NR5A2: variants seen among roughly 807,000 people sequenced by gnomAD.
NR5A2 encodes nuclear receptor subfamily 5 group A member 2.
NR5A2 carries 26 observed loss-of-function variants against 62.7 expected under a neutral mutation model. The ratio of observed to expected loss-of-function variants is 0.41; its 90% CI spans 0.30 to 0.58. The LOEUF is 0.58. Among genes scored for constraint, NR5A2 ranks in the 20% least tolerant of loss-of-function variants. NR5A2 has a pLI of 0.22. For missense variants in NR5A2, 541 were observed against 669.1 expected, an observed-to-expected ratio of 0.81 and a Z score of 2.11; for synonymous variants, 246 against 241.7, an observed-to-expected ratio of 1.02 and a Z score of -0.16.
Position 200,174,926 on chromosome 1 carries a change from A to G in NR5A2, c.*716A>G, listed in dbSNP as rs1459710833. The G allele has an allele frequency of 6.6e-6, 1 of 152,666 alleles. No homozygotes were observed. The highest frequency in any genetic ancestry group is 2.4e-5 in the African/African-American group (1 of 41,454). The allele number at this position is 152,666 out of a possible 1,614,324, so 9.5% of individuals were successfully genotyped here. On this transcript the variant is annotated 3_prime_UTR_variant, in exon 8 of 8. Coordinates refer to ENST00000367362, the MANE Select transcript of NR5A2 (RefSeq NM_205860.3). ...TTGTCTCGTGTTCATGATGTTAAGA[A>G]AATGCAGGCAGTATCCCTCATCTTA...
intron 6 of NR5A2, among the ~76,000 whole-genome samples, chr1:200,117,682 TC>T (rs1455647305): frequency 6.6e-6 from 1 of 152,156 alleles, no homozygotes; most frequent in East Asian, 1.9e-4. Flanking sequence ...AGTATGGTCT[TC>T]CTGATTCAGG....
At chr1:200,077,465 G>A (rs1664093221) in intron 5 of NR5A2, among the ~76,000 whole-genome samples, 1 of 152,210 alleles carries the variant, frequency 6.6e-6, no homozygotes, top group South Asian at 2.1e-4. Flanking sequence ...TGTAATCCCA[G>A]CACATTGGGA....
At chr1:200,170,492 G>A (rs900645009) in intron 7 of NR5A2, among the ~76,000 whole-genome samples, 1 of 152,174 alleles carries the variant, frequency 6.6e-6, no homozygotes, top group African/African-American at 2.4e-5. Flanking sequence ...ACATAAATGA[G>A]TGAAAATTCC....
intron 5 of NR5A2, among the ~76,000 whole-genome samples, chr1:200,093,675 C>T (rs1664924204): frequency 6.6e-6 from 1 of 152,188 alleles, no homozygotes; most frequent in South Asian, 2.1e-4. Flanking sequence ...CCAATCTAAG[C>T]ACAATGCTGT....
At chr1:200,135,939 A>G (rs1667203095) in intron 7 of NR5A2, among the ~76,000 whole-genome samples, 1 of 152,206 alleles carries the variant, frequency 6.6e-6, no homozygotes, top group Non-Finnish European at 1.5e-5. Flanking sequence ...GCAATAACTG[A>G]TACATTAATT....
rs1654453618 is a variant in NR5A2, at chr1:200,177,084, C to T, written c.*2874C>T. 6.6e-6 allele frequency: 1 copy of T among 152,370 alleles called. No homozygotes were observed. The highest frequency in any genetic ancestry group is 1.5e-5 in the Non-Finnish European group (1 of 68,042). 9.4% of individuals were successfully genotyped at this position (152,370 alleles called of 1,614,324 possible). ...GATTGTTAGCCGATTTGTAACCTGG[C>T]ATTTACTTAGCAACTGCCTTATCAA... On this transcript the variant is annotated 3_prime_UTR_variant, in exon 8 of 8. Coordinates refer to ENST00000367362, the MANE Select transcript of NR5A2 (RefSeq NM_205860.3).
chr1:200,048,034 C>T lies in NR5A2; in HGVS notation c.464-138C>T. The T allele has an allele frequency of 2.7e-6, 2 of 741,404 alleles. No individual in the cohort carries two copies. The highest frequency in any genetic ancestry group is 4.3e-6 in the Non-Finnish European group (2 of 468,476). The allele number at this position is 741,404 out of a possible 1,614,324, so 45.9% of individuals were successfully genotyped here. A position where few individuals can be genotyped will look rare whatever the true frequency, so the allele number is the denominator to read the frequency against. ...AAGAGGACATGGTTTTTTGGGAAAT[C>T]TTTGTGGGCTATTGTAACGAAAACA... On this transcript the variant is annotated intron_variant, in intron 4 of 7. Transcript: ENST00000367362. The surrounding 1 kb of genome is among the most constrained non-coding windows in gnomAD (Gnocchi z 4.8).
At chr1:200,061,981 T>A (rs886414839) in intron 5 of NR5A2, among the ~76,000 whole-genome samples, 2 of 152,180 alleles carry the variant, frequency 1.3e-5, no homozygotes, top group Admixed American at 1.3e-4. Context: ...TGAATTAACG[T>A]GCTCAAGACA....
chr1:200,030,367 T>C (rs910049376), intron 1 of NR5A2, among the ~76,000 whole-genome samples: 2 of 152,224 alleles, frequency 1.3e-5, no homozygotes, highest in Admixed American at 1.3e-4. Flanking sequence ...AAGTTTTGTA[T>C]AGATGTCTGT....
At chr1:200,087,954 T>G (rs1183794361) in intron 5 of NR5A2, among the ~76,000 whole-genome samples, 2 of 152,144 alleles carry the variant, frequency 1.3e-5, no homozygotes, top group East Asian at 3.9e-4. Flanking sequence ...TTTCACCATG[T>G]TGGCCAGGCC....
chr1:200,147,779 T>C lies in NR5A2; in HGVS notation c.1379-26184T>C. 6.1e-6 allele frequency: 2 copies of C among 330,374 alleles called. No individual in the cohort carries two copies. Among genetic ancestry groups the C allele is most frequent in the Non-Finnish European group, 1.2e-5 (2 of 170,504 alleles). The allele number at this position is 330,374 out of a possible 1,614,324, so 20.5% of individuals were successfully genotyped here. On this transcript the variant is annotated intron_variant, in intron 7 of 7. Coordinates refer to ENST00000367362, the MANE Select transcript of NR5A2 (RefSeq NM_205860.3). The surrounding 1 kb of genome is among the most constrained non-coding windows in gnomAD (Gnocchi z 4.9). ...ATGCCGGCGCGAATGCCGGCACGGA[T>C]GCCGGCACGGTGGGCAGCCGCCGTG...
At chr1:200,170,398 T>C (rs912273363) in intron 7 of NR5A2, among the ~76,000 whole-genome samples, 5 of 152,210 alleles carry the variant, frequency 3.3e-5, no homozygotes, top group Non-Finnish European at 7.3e-5. Flanking sequence ...AAAGTATGCA[T>C]TTTCATCAAA....
chr1:200,031,275 T>TG (rs1218934146), intron 1 of NR5A2, among the ~76,000 whole-genome samples: 2 of 152,058 alleles, frequency 1.3e-5, no homozygotes, highest in African/African-American at 4.8e-5. Flanking sequence ...AGACTGAGGA[T>TG]GGAGGATCAC....
chr1:200,072,571 A>G (rs1222954418), intron 5 of NR5A2, among the ~76,000 whole-genome samples: 1 of 152,182 alleles, frequency 6.6e-6, no homozygotes, highest in Non-Finnish European at 1.5e-5. Flanking sequence ...AAGTGGGAGT[A>G]AAATATTTGA....
intron 2 of NR5A2, among the ~76,000 whole-genome samples, chr1:200,040,561 A>AGGTC (rs3838448): frequency 6.6e-6 from 1 of 151,812 alleles, no homozygotes; most frequent in Non-Finnish European, 1.5e-5. Context: ...TAGCAACCCT[A>AGGTC]TGGCTTGTAT....
chr1:200,121,397 G>A (rs1307334354), intron 7 of NR5A2, among the ~76,000 whole-genome samples: 1 of 152,182 alleles, frequency 6.6e-6, no homozygotes, highest in Non-Finnish European at 1.5e-5. Context: ...TTAAAAACCT[G>A]TATTTAAATC....
intron 5 of NR5A2, among the ~76,000 whole-genome samples, chr1:200,098,465 T>TA (rs908480407): frequency 1.3e-5 from 2 of 152,194 alleles, no homozygotes; most frequent in African/African-American, 2.4e-5. Flanking sequence ...TATTATATTT[T>TA]AAAAAAATAA....
chr1:200,035,991 G>A (rs115096455), intron 1 of NR5A2, among the ~76,000 whole-genome samples: 172 of 152,276 alleles, frequency 1.1e-3, no homozygotes, highest in African/African-American at 3.9e-3. Context: ...AATTCCCGCA[G>A]CGGTAAGTAC....
At chr1:200,119,498 A>G (rs774960014) in intron 6 of NR5A2, among the ~76,000 whole-genome samples, 6 of 152,238 alleles carry the variant, frequency 3.9e-5, no homozygotes, top group African/African-American at 1.4e-4. Context: ...TCAGGTACCA[A>G]CTGGGCTTTC....
Sources: allele counts gnomAD v4.1 joint callset (sites outside exome capture counted in the v4.1 genomes callset), GRCh38; gene constraint gnomAD v4.1.1; non-coding constraint Gnocchi (gnomAD v3.1); transcripts MANE v1.5; gene names NCBI Gene and HGNC (gene_info 2026-07-23, HGNC 2026-07-21).